MBNL2: variants seen among roughly 807,000 people sequenced by gnomAD.
MBNL2 encodes muscleblind like splicing regulator 2.
In MBNL2, 17 loss-of-function variants were observed where a neutral mutation model predicts 41.9. The observed-to-expected ratio is 0.41, with a 90% confidence interval of 0.28 to 0.61. The LOEUF (loss-of-function observed/expected upper bound fraction) is 0.61, where lower values mean the gene tolerates loss of function less well. Among genes scored for constraint, MBNL2 ranks in the 20% least tolerant of loss-of-function variants. MBNL2 has a pLI of 0.35. For missense variants in MBNL2, 336 were observed against 505.6 expected (o/e 0.66, Z 3.22); for synonymous variants, 195 against 182.9 (o/e 1.07, Z -0.53).
At chr13:97,293,453 A>C (rs780682673) in intron 2 of MBNL2, among the ~76,000 whole-genome samples, 1 of 152,178 alleles carries the variant, frequency 6.6e-6, no homozygotes, top group Non-Finnish European at 1.5e-5. Flanking sequence ...GATGATGATC[A>C]ATGTTTGTAC....
At chr13:97,238,365 G>A (rs960770122) in intron 1 of MBNL2, among the ~76,000 whole-genome samples, 1 of 152,172 alleles carries the variant, frequency 6.6e-6, no homozygotes. Context: ...CCAAAGTGAA[G>A]AGCATTTCAT....
rs535299091 is a variant in MBNL2 at position 97,245,121 on chromosome 13, G to A, written c.-605+22590G>A. ...GGGTAAATATTCCCATTAGGATTAG[G>A]TTAAGACTTAATTTCTTCAACAAGC... On this transcript the variant is annotated intron_variant, in intron 1 of 8. Transcript: ENST00000679496. Among the ~76,000 whole-genome samples, 5 of 152,274 alleles carry A rather than the reference G, an allele frequency of 3.3e-5. No individual in the cohort carries two copies. The East Asian group carries it at 7.7e-4, about 24-fold the overall frequency.
the MBNL2 span, among the ~76,000 whole-genome samples, chr13:97,170,940 G>A: frequency 6.6e-6 from 1 of 152,156 alleles, no homozygotes; most frequent in African/African-American, 2.4e-5. Flanking sequence ...GCAGATTGAA[G>A]GCTAAAGACA....
intron 7 of MBNL2, among the ~76,000 whole-genome samples, chr13:97,358,866 C>T (rs368471136): frequency 3.3e-5 from 5 of 152,202 alleles, no homozygotes; most frequent in African/African-American, 1.2e-4. Context: ...TCAGAGTTAA[C>T]ATCAGAGGGA....
chr13:97,177,484 T>C, the MBNL2 span, among the ~76,000 whole-genome samples: 1 of 152,024 alleles, frequency 6.6e-6, no homozygotes, highest in Non-Finnish European at 1.5e-5. Context: ...TGTAGGAGTT[T>C]CAGAAGATAA....
At chr13:97,339,016 G>GT (rs1245027866) in intron 3 of MBNL2, among the ~76,000 whole-genome samples, 1 of 145,434 alleles carries the variant, frequency 6.9e-6, no homozygotes, top group Non-Finnish European at 1.5e-5. Flanking sequence ...TGTTGAGTAC[G>GT]TAAGTATGAA....
intron 2 of MBNL2, among the ~76,000 whole-genome samples, chr13:97,288,562 C>T (rs2055138829): frequency 6.6e-6 from 1 of 152,184 alleles, no homozygotes; most frequent in South Asian, 2.1e-4. Context: ...AAACAAAGGC[C>T]AGCGGGCATG....
At chr13:97,310,082 C>A (rs889036963) in intron 2 of MBNL2, among the ~76,000 whole-genome samples, 2 of 152,060 alleles carry the variant, frequency 1.3e-5, no homozygotes, top group African/African-American at 4.8e-5. Flanking sequence ...AGGACTTAGC[C>A]CCTGGCAGAA....
chr13:97,187,518 G>C, the MBNL2 span, among the ~76,000 whole-genome samples: 11,723 of 135,558 alleles, frequency 0.086, 508 homozygotes, highest in Middle Eastern at 0.18. Context: ...GCCATGCATA[G>C]TACTGCCTAA....
chr13:97,159,984 C>T, the MBNL2 span, among the ~76,000 whole-genome samples: 1 of 152,068 alleles, frequency 6.6e-6, no homozygotes, highest in Non-Finnish European at 1.5e-5. Flanking sequence ...TAATATCCTG[C>T]AGAGTGTTTT....
At chr13:97,282,100 C>A (rs1249730252) in intron 2 of MBNL2, among the ~76,000 whole-genome samples, 1 of 151,942 alleles carries the variant, frequency 6.6e-6, no homozygotes, top group Non-Finnish European at 1.5e-5. Context: ...ACCTGTAGTC[C>A]CAGCACTTTG....
chr13:97,270,492 T>A (rs2050726849), intron 1 of MBNL2, among the ~76,000 whole-genome samples: 1 of 152,206 alleles, frequency 6.6e-6, no homozygotes, highest in South Asian at 2.1e-4. Context: ...ATTAAAAAAG[T>A]AAATTTATAT....
At chr13:97,243,293 TAGTC>T (rs1315277109) in intron 1 of MBNL2, among the ~76,000 whole-genome samples, 1 of 152,240 alleles carries the variant, frequency 6.6e-6, no homozygotes, top group Non-Finnish European at 1.5e-5. Flanking sequence ...CTTATTTATT[TAGTC>T]AGTCAACAAA....
intron 6 of MBNL2, 49 bp from the exon 7 acceptor site, chr13:97,357,433 G>T (rs768626443): frequency 1.9e-5 from 28 of 1,479,010 alleles, no homozygotes; most frequent in Non-Finnish European, 2.6e-5. Flanking sequence ...AACATGGAAG[G>T]TGTGTTTGCT....
At chr13:97,211,230 G>C in the MBNL2 span, among the ~76,000 whole-genome samples, 1 of 152,138 alleles carries the variant, frequency 6.6e-6, no homozygotes, top group East Asian at 1.9e-4. Context: ...ATCCATGATT[G>C]TAAGCTCACC....
At chr13:97,229,219 T>C (rs1369992926) in intron 1 of MBNL2, among the ~76,000 whole-genome samples, 1 of 150,852 alleles carries the variant, frequency 6.6e-6, no homozygotes, top group African/African-American at 2.4e-5. Context: ...TACATATAAT[T>C]TTCAGTGTTC....
chr13:97,367,758 T>C (rs1594275309), intron 8 of MBNL2, among the ~76,000 whole-genome samples: 1 of 152,136 alleles, frequency 6.6e-6, no homozygotes, highest in African/African-American at 2.4e-5. Flanking sequence ...CGAACAGCAG[T>C]GCAGAGGCAG....
intron 1 of MBNL2, among the ~76,000 whole-genome samples, chr13:97,275,109 A>G (rs1294783505): frequency 2.0e-5 from 3 of 152,214 alleles, no homozygotes; most frequent in Admixed American, 6.5e-5. Flanking sequence ...AGGAAGTATT[A>G]AGATACCTGA....
the MBNL2 span, among the ~76,000 whole-genome samples, chr13:97,153,650 T>C: frequency 1.3e-5 from 2 of 152,180 alleles, no homozygotes; most frequent in Admixed American, 6.6e-5. Flanking sequence ...GCTACAATTA[T>C]CTGTGAAGGT....
Sources: gnomAD v4.1 joint callset for allele counts (sites outside exome capture counted in the v4.1 genomes callset) on GRCh38, gnomAD v4.1.1 for gene constraint, MANE v1.5 for transcripts, NCBI Gene and HGNC (gene_info 2026-07-23, HGNC 2026-07-21) for gene names.